Variants in PDLIM3 observed in about 807,000 individuals in gnomAD.
The protein encoded by PDLIM3 is PDZ and LIM domain protein 3.
A neutral mutation model predicts 37.3 loss-of-function variants in PDLIM3; 36 were observed. The observed-to-expected ratio is 0.97, with a 90% CI of 0.74 to 1.28. PDLIM3 has a LOEUF of 1.28. Ranked by LOEUF, PDLIM3 falls within the 50% of genes most tolerant of loss-of-function variation. The pLI, the probability that PDLIM3 is intolerant of heterozygous loss-of-function variation, is 0.00. For synonymous variants in PDLIM3, 174 were observed against 182.4 expected (o/e 0.95, Z 0.37); for missense variants, 454 against 485.0 (o/e 0.94, Z 0.60).
At chr4:185,506,275 C>T (rs1455493883) in intron 6 of PDLIM3, among the ~76,000 whole-genome samples, 1 of 152,126 alleles carries the variant, frequency 6.6e-6, no homozygotes, top group East Asian at 1.9e-4. Context: ...CCCTTGACTA[C>T]CATTAATGCA....
At chr4:185,509,602 T>TA (rs1410764377) in intron 4 of PDLIM3, among the ~76,000 whole-genome samples, 8 of 152,114 alleles carry the variant, frequency 5.3e-5, no homozygotes, top group East Asian at 3.9e-4. Flanking sequence ...GAGATTTTTG[T>TA]AAAAAAAGCA....
At chr4:185,518,684 G>A (rs2095718398) in intron 3 of PDLIM3, among the ~76,000 whole-genome samples, 1 of 152,108 alleles carries the variant, frequency 6.6e-6, no homozygotes, top group Non-Finnish European at 1.5e-5. Flanking sequence ...TCTCCAGTGA[G>A]CAGTTTCAAG....
rs897546164 is a variant in PDLIM3, at chr4:185,535,495, C to A, written c.-61G>T. The A allele has an allele frequency of 4.2e-6, 6 of 1,440,682 alleles. No individual in the cohort carries two copies. In the Admixed American group the frequency reaches 1.0e-4, roughly 25 times the overall value. 89.2% of individuals were successfully genotyped at this position (1,440,682 alleles called of 1,614,324 possible). A position where few individuals can be genotyped will look rare whatever the true frequency, so the allele number is the denominator to read the frequency against. Reference sequence around the variant, plus strand: ...CCCGCGCAGGGCAGCCACTCCGCGCCGGGCGGCGTCCTGGCCCCGACCCGG... The same window carrying A: ...CCCGCGCAGGGCAGCCACTCCGCGCAGGGCGGCGTCCTGGCCCCGACCCGG... On this transcript the variant is annotated 5_prime_UTR_variant, in exon 1 of 8. Coordinates refer to ENST00000284767, the MANE Select transcript of PDLIM3 (RefSeq NM_014476.6).
intron 4 of PDLIM3, chr4:185,512,657 C>T (rs987129862): frequency 1.8e-5 from 18 of 984,108 alleles, no homozygotes; most frequent in Admixed American, 1.2e-4. Flanking sequence ...GTTACTCTAA[C>T]GTATCACTTT....
rs770526854 is a variant in PDLIM3 at position 185,504,455 on chromosome 4, G to T, written c.905+20C>A. On this transcript the variant is annotated intron_variant, in intron 7 of 7. Transcript: ENST00000284767. This position sits in a 1 kb window ranked among gnomAD's most constrained non-coding sequence, Gnocchi z 4.7. ...TCGCCAAGCTGTATCGTAAATTCCA[G>T]GGTTAAAAGTGAAACTTACACTATG... 8.3e-6 allele frequency: 13 copies of T among 1,567,244 alleles called. No homozygotes were observed. The highest frequency in any genetic ancestry group is 1.1e-5 in the Non-Finnish European group (13 of 1,137,554).
At chr4:185,519,509 A>G (rs1470132865) in intron 3 of PDLIM3, among the ~76,000 whole-genome samples, 7 of 151,606 alleles carry the variant, frequency 4.6e-5, no homozygotes, top group Admixed American at 4.6e-4. Flanking sequence ...CTGGTCTCAA[A>G]CTCCTGACCT....
At chr4:185,532,056 C>T (rs1442031382) in intron 1 of PDLIM3, among the ~76,000 whole-genome samples, 3 of 152,098 alleles carry the variant, frequency 2.0e-5, no homozygotes, top group Non-Finnish European at 4.4e-5. Context: ...CGAGATCGCG[C>T]CACTGCACTC....
intron 4 of PDLIM3, among the ~76,000 whole-genome samples, chr4:185,509,958 T>C (rs7660363): frequency 0.016 from 2,374 of 152,186 alleles, 56 homozygotes; most frequent in African/African-American, 0.055. Flanking sequence ...TTTAACTACC[T>C]ACATAACCTA....
chr4:185,508,501 T>A lies in PDLIM3; in HGVS notation c.460A>T (p.Ser154Cys). 5.6e-6 allele frequency: 9 copies of A among 1,614,164 alleles called. No individual in the cohort carries two copies. Among genetic ancestry groups the A allele is most frequent in the Non-Finnish European group, 7.6e-6 (9 of 1,180,002 alleles). Residue 154 changes from serine to cysteine, a missense_variant, in exon 5 of 8, where the codon AGT becomes TGT. By Grantham distance (112) the Ser-to-Cys change is moderately radical. Transcript: ENST00000284767. ...CCTGGGCAAATGGTACTAACAGTACTGACAGAAGAAGGGGTGCTGCGTCCA... is the reference window on the plus strand; with the variant it reads ...CCTGGGCAAATGGTACTAACAGTACAGACAGAAGAAGGGGTGCTGCGTCCA... ...GSGRSTPSSV[S>C]TVSTICPGDL...
intron 7 of PDLIM3, among the ~76,000 whole-genome samples, chr4:185,503,466 G>C (rs1384961151): frequency 6.6e-6 from 1 of 152,174 alleles, no homozygotes; most frequent in Non-Finnish European, 1.5e-5. Context: ...GCCCTAACCA[G>C]GCTTATCCCC....
At position 185,506,583 on chromosome 4, in the gene PDLIM3, G is replaced by C; in HGVS notation, c.732C>G (p.Pro244=). 6.2e-7 allele frequency: 1 copy of C among 1,612,932 alleles called. No homozygotes were observed. The highest frequency in any genetic ancestry group is 8.5e-7 in the Non-Finnish European group (1 of 1,180,008). The change falls in exon 6 of 8, where the codon CCC becomes CCG. Residue 244 remains proline (P), a synonymous_variant. Coordinates refer to ENST00000284767, the MANE Select transcript of PDLIM3 (RefSeq NM_014476.6). The part of the protein sequence containing the change: ...YRMLHDNRNE[P]TQPRQSGSFR... The stretch of plus-strand genomic sequence containing the variant: ...AGGAGCCCGACTGGCGAGGCTGTGT[G>C]GGCTCATTCCGATTGTCGTGGAGCA...
intron 2 of PDLIM3, among the ~76,000 whole-genome samples, chr4:185,524,091 C>T (rs1206698274): frequency 6.6e-6 from 1 of 152,170 alleles, no homozygotes; most frequent in Non-Finnish European, 1.5e-5. Context: ...CTAGACCTCC[C>T]TACTTCCCTC....
chr4:185,506,045 T>G (rs1486353204), intron 6 of PDLIM3, among the ~76,000 whole-genome samples: 2 of 152,228 alleles, frequency 1.3e-5, no homozygotes, highest in Non-Finnish European at 2.9e-5. Flanking sequence ...GCGTCTCATT[T>G]GCTAAGTAGG....
chr4:185,517,886 G>A (rs2095717287), intron 3 of PDLIM3, among the ~76,000 whole-genome samples: 1 of 152,072 alleles, frequency 6.6e-6, no homozygotes, highest in African/African-American at 2.4e-5. Flanking sequence ...TTCTATCCAA[G>A]GCTTACATCA....
intron 4 of PDLIM3, among the ~76,000 whole-genome samples, chr4:185,509,892 G>T (rs2153333591): frequency 6.8e-6 from 1 of 148,120 alleles, no homozygotes; most frequent in African/African-American, 2.5e-5. Context: ...TTAGTCTGGA[G>T]AACTCATGTC....
Position 185,514,239 on chromosome 4 carries a change from C to G in PDLIM3, c.398+31G>C. 6.2e-7 allele frequency: 1 copy of G among 1,614,210 alleles called. No individual in the cohort carries two copies. The highest frequency in any genetic ancestry group is 8.5e-7 in the Non-Finnish European group (1 of 1,180,030). On this transcript the variant is annotated intron_variant, in intron 4 of 7. Coordinates refer to ENST00000284767, the MANE Select transcript of PDLIM3 (RefSeq NM_014476.6). This position sits in a 1 kb window ranked among gnomAD's most constrained non-coding sequence, Gnocchi z 4.0. ...TAAGAACTGATTTAAGAAGCATGCA[C>G]TGCAAACTCCACAGTCTCAGCGCTT...
At position 185,504,636 on chromosome 4, in the gene PDLIM3, C is replaced by G; in HGVS notation, c.794-50G>C. On this transcript the variant is annotated intron_variant, in intron 6 of 7. Coordinates refer to ENST00000284767, the MANE Select transcript of PDLIM3 (RefSeq NM_014476.6). This position sits in a 1 kb window ranked among gnomAD's most constrained non-coding sequence, Gnocchi z 4.7. Reference sequence around the variant, plus strand: ...ATGGCTAGGGAACAGCTGGCCGCAGCCTGTGCTTGGCTTCTATTTTAAAGT... The same window carrying G: ...ATGGCTAGGGAACAGCTGGCCGCAGGCTGTGCTTGGCTTCTATTTTAAAGT... 1 of 1,425,780 alleles carries G rather than the reference C, an allele frequency of 7.0e-7. No homozygotes were observed. Among genetic ancestry groups the G allele is most frequent in the South Asian group, 1.2e-5 (1 of 84,520 alleles). The allele number at this position is 1,425,780 out of a possible 1,614,324, so 88.3% of individuals were successfully genotyped here.
In PDLIM3 at chr4:185,508,577, A is replaced by G. The variant is rs750938238; in HGVS notation, c.399-15T>C. The G allele has an allele frequency of 1.2e-6, 2 of 1,612,682 alleles. No homozygotes were observed. The highest frequency in any genetic ancestry group is 4.5e-5 in the East Asian group (2 of 44,888). On this transcript the variant is annotated splice_polypyrimidine_tract_variant and intron_variant, in intron 4 of 7. Coordinates refer to ENST00000284767, the MANE Select transcript of PDLIM3 (RefSeq NM_014476.6). ...TGCTGCATCCACTGTGTTAATGGAT[A>G]CACGTTACACAGAGATGGCACCGGG...
chr4:185,534,554 T>C (rs1231762886), intron 1 of PDLIM3, among the ~76,000 whole-genome samples: 1 of 152,230 alleles, frequency 6.6e-6, no homozygotes, highest in Non-Finnish European at 1.5e-5. Flanking sequence ...AGGTTTTATT[T>C]TTACCTTGTT....
Sources: allele counts gnomAD v4.1 joint callset (sites outside exome capture counted in the v4.1 genomes callset), GRCh38; gene constraint gnomAD v4.1.1; non-coding constraint Gnocchi (gnomAD v3.1); transcripts MANE v1.5; gene names NCBI Gene and HGNC (gene_info 2026-07-23, HGNC 2026-07-21).